The following PATJ variants were observed in gnomAD, a reference collection of about 807,000 sequenced individuals.
PATJ encodes PATJ crumbs cell polarity complex component.
A neutral mutation model predicts 224.9 loss-of-function variants in PATJ; 190 were observed. The ratio of observed to expected loss-of-function variants is 0.84; its 90% confidence interval spans 0.75 to 0.95. The LOEUF is 0.95. Ranked by LOEUF, PATJ falls within the 40% of genes least tolerant of loss-of-function variation. The pLI is 0.00. For synonymous variants in PATJ, 769 were observed against 820.3 expected, an observed-to-expected ratio of 0.94 and a Z score of 1.07; for missense variants, 2,121 against 2,270.3, an observed-to-expected ratio of 0.93 and a Z score of 1.34.
intron 14 of PATJ, among the ~76,000 whole-genome samples, chr1:61,815,403 T>A (rs1655898600): frequency 6.6e-6 from 1 of 151,986 alleles, no homozygotes; most frequent in Non-Finnish European, 1.5e-5. Flanking sequence ...CAGTGGGAGG[T>A]TTTGAGCAGG....
At chr1:62,107,122 C>T (rs1663167387) in intron 33 of PATJ, among the ~76,000 whole-genome samples, 3 of 151,940 alleles carry the variant, frequency 2.0e-5, no homozygotes, top group Non-Finnish European at 2.9e-5. Flanking sequence ...CTGGCTAACA[C>T]GGTGAAACCC....
intron 16 of PATJ, among the ~76,000 whole-genome samples, chr1:61,829,335 T>C (rs1446133527): frequency 6.6e-6 from 1 of 152,224 alleles, no homozygotes; most frequent in East Asian, 1.9e-4. Context: ...TCAAGGAGGG[T>C]ACTCAAATGC....
At chr1:62,081,083 T>A (rs575217939) in intron 32 of PATJ, among the ~76,000 whole-genome samples, 82 of 152,290 alleles carry the variant, frequency 5.4e-4, no homozygotes, top group Middle Eastern at 6.8e-3. Flanking sequence ...AGTTAAGTAG[T>A]CACAACAGAG....
chr1:62,039,377 GA>G (rs894116690), intron 30 of PATJ, among the ~76,000 whole-genome samples: 2 of 150,418 alleles, frequency 1.3e-5, no homozygotes, highest in South Asian at 4.2e-4. Flanking sequence ...CTGTTTGGAG[GA>G]AAAAAAAACA....
intron 34 of PATJ, among the ~76,000 whole-genome samples, chr1:62,111,851 G>T (rs148121717): frequency 0.017 from 2,630 of 151,734 alleles, 84 homozygotes; most frequent in African/African-American, 0.06. Context: ...TAGTAGAGAC[G>T]GGGTTTCACT....
At chr1:61,826,324 C>T (rs1658246938) in intron 15 of PATJ, among the ~76,000 whole-genome samples, 1 of 152,230 alleles carries the variant, frequency 6.6e-6, no homozygotes, top group Non-Finnish European at 1.5e-5. Context: ...AGAAGGGCTT[C>T]TCCGAGTAAA....
At chr1:62,123,137 T>C in intron 39 of PATJ, 79 bp downstream of exon 39, 2 of 981,078 alleles carry the variant, frequency 2.0e-6, no homozygotes, top group Non-Finnish European at 3.2e-6. Flanking sequence ...CCCAATACAG[T>C]TTATTGGATT....
intron 27 of PATJ, among the ~76,000 whole-genome samples, chr1:61,989,435 T>G (rs1431879391): frequency 6.6e-6 from 1 of 152,120 alleles, no homozygotes; most frequent in African/African-American, 2.4e-5. Context: ...CACCCTTAAT[T>G]CCCCTTGCTT....
chr1:62,141,415 C>T (rs1667480887), intron 41 of PATJ, among the ~76,000 whole-genome samples: 1 of 152,188 alleles, frequency 6.6e-6, no homozygotes, highest in African/African-American at 2.4e-5. Flanking sequence ...TGGCTCATGC[C>T]TGTAATCCCA....
chr1:62,148,612 G>A (rs1266610608), intron 42 of PATJ, among the ~76,000 whole-genome samples: 1 of 152,178 alleles, frequency 6.6e-6, no homozygotes. Flanking sequence ...TGGTCACTTT[G>A]ACACAGTGCC....
intron 22 of PATJ, among the ~76,000 whole-genome samples, chr1:61,897,877 T>G (rs780191984): frequency 6.6e-6 from 1 of 152,224 alleles, no homozygotes; most frequent in South Asian, 2.1e-4. Flanking sequence ...CTGTGATACT[T>G]TCAATAATAA....
At chr1:62,060,883 G>C (rs971031032) in intron 31 of PATJ, among the ~76,000 whole-genome samples, 1 of 152,128 alleles carries the variant, frequency 6.6e-6, no homozygotes, top group East Asian at 1.9e-4. Flanking sequence ...GTAGAGACAG[G>C]GTTTCACCAC....
chr1:62,153,934 G>A (rs545953915), intron 43 of PATJ, among the ~76,000 whole-genome samples: 5 of 152,262 alleles, frequency 3.3e-5, no homozygotes, highest in African/African-American at 1.2e-4. Flanking sequence ...AGGGAGTTTC[G>A]CTCTTGTCGC....
chr1:61,902,050 C>G (rs1671235526), intron 24 of PATJ, among the ~76,000 whole-genome samples: 1 of 151,968 alleles, frequency 6.6e-6, no homozygotes, highest in African/African-American at 2.4e-5. Flanking sequence ...TGGTGAAACC[C>G]CATCTACTAA....
At chr1:62,118,523 G>A (rs566682963) in intron 37 of PATJ, among the ~76,000 whole-genome samples, 1 of 152,170 alleles carries the variant, frequency 6.6e-6, no homozygotes, top group Non-Finnish European at 1.5e-5. Flanking sequence ...AGAGGTAACA[G>A]GTGTTTGTGT....
chr1:62,133,830 TC>T (rs1341643305), intron 41 of PATJ, among the ~76,000 whole-genome samples: 4 of 141,690 alleles, frequency 2.8e-5, no homozygotes, highest in African/African-American at 1.0e-4. Flanking sequence ...CCACTGAGCC[TC>T]CACCTCCTGG....
At position 61,932,668 on chromosome 1, in the gene PATJ, G is replaced by A. The variant is rs372683169; in HGVS notation, c.3670+4839G>A. ...TAATCCCAGCACTTTGGGAGGCCGAGGTGGGTGGATCACCTGAGGTCAGGA... is the reference window on the plus strand; with the variant it reads ...TAATCCCAGCACTTTGGGAGGCCGAAGTGGGTGGATCACCTGAGGTCAGGA... On this transcript the variant is annotated intron_variant, in intron 27 of 43. Transcript: ENST00000642238. Among the ~76,000 whole-genome samples the A allele has an allele frequency of 1.2e-4, 19 of 152,348 alleles. No homozygotes were observed. In the South Asian group the frequency reaches 3.5e-3, roughly 28 times the overall value.
intron 41 of PATJ, among the ~76,000 whole-genome samples, chr1:62,143,438 A>ATTTTTTT (rs34127211): frequency 1.5e-4 from 11 of 74,322 alleles, no homozygotes; most frequent in East Asian, 1.0e-3. Flanking sequence ...TAAGCTGGGA[A>ATTTTTTT]TTTTTTTTTT....
intron 7 of PATJ, among the ~76,000 whole-genome samples, chr1:61,781,061 G>A (rs1386280390): frequency 6.6e-6 from 1 of 152,134 alleles, no homozygotes; most frequent in African/African-American, 2.4e-5. Flanking sequence ...CCAAATTATA[G>A]ATATGGAAAC....
Sources: gnomAD v4.1 joint callset for allele counts (sites outside exome capture counted in the v4.1 genomes callset) on GRCh38, gnomAD v4.1.1 for gene constraint, MANE v1.5 for transcripts, NCBI Gene and HGNC (gene_info 2026-07-23, HGNC 2026-07-21) for gene names.